Variants in COL23A1 observed in about 807,000 individuals in gnomAD.
COL23A1 encodes collagen type XXIII alpha 1 chain, also known as collagen alpha-1(XXIII) chain.
Under a neutral mutation model 99.3 loss-of-function variants are expected in COL23A1, and 97 were observed. That is an observed-to-expected ratio of 0.98 (90% CI 0.83 to 1.16). The LOEUF (loss-of-function observed/expected upper bound fraction) is 1.16. Ranked by LOEUF, COL23A1 falls within the 50% of genes most tolerant of loss-of-function variation. The pLI is 0.00. For synonymous variants in COL23A1, 320 were observed against 308.2 expected, an observed-to-expected ratio of 1.04 and a Z score of -0.40; for missense variants, 762 against 757.4, an observed-to-expected ratio of 1.01 and a Z score of -0.07.
intron 2 of COL23A1, among the ~76,000 whole-genome samples, chr5:178,413,828 TA>T (rs1765168750): frequency 6.6e-6 from 1 of 152,176 alleles, no homozygotes; most frequent in Admixed American, 6.5e-5. Context: ...GGAAGTGCGG[TA>T]TTGTTGTAAA....
chr5:178,248,263 C>T lies in COL23A1; in HGVS notation c.1150-9G>A, dbSNP rs111363480. On this transcript the variant is annotated splice_polypyrimidine_tract_variant and intron_variant, in intron 19 of 28. Coordinates refer to ENST00000390654, the MANE Select transcript of COL23A1 (RefSeq NM_173465.4). ...TTGAGGCCGTCAGCGCCCTGCAGGA[C>T]GGCAATGGCCTGTGAGTCCTTTGTG... is the stretch of plus-strand genomic sequence containing the variant. 3,007 of 1,609,592 alleles carry T rather than the reference C, an allele frequency of 1.9e-3. 44 individuals are homozygous for T. The African/African-American group carries it at 0.031, about 16-fold the overall frequency.
At chr5:178,420,435 G>GCCCCTT (rs1328204554) in intron 2 of COL23A1, among the ~76,000 whole-genome samples, 3 of 66,820 alleles carry the variant, frequency 4.5e-5, no homozygotes, top group Non-Finnish European at 8.5e-5. Flanking sequence ...CCCCTCCCCC[G>GCCCCTT]CTCTTTCCTC....
chr5:178,536,514 G>A (rs1026221572), intron 2 of COL23A1, among the ~76,000 whole-genome samples: 1 of 152,196 alleles, frequency 6.6e-6, no homozygotes, highest in African/African-American at 2.4e-5. Flanking sequence ...ACCAATCACC[G>A]GATGCATCAT....
At chr5:178,523,972 A>T (rs1184774774) in intron 2 of COL23A1, among the ~76,000 whole-genome samples, 1 of 152,216 alleles carries the variant, frequency 6.6e-6, no homozygotes, top group Admixed American at 6.5e-5. Context: ...ATGATCTCTG[A>T]CAAGGACTTC....
intron 2 of COL23A1, among the ~76,000 whole-genome samples, chr5:178,341,979 C>T (rs527589800): frequency 2.0e-5 from 3 of 152,146 alleles, no homozygotes; most frequent in African/African-American, 4.8e-5. Flanking sequence ...TACCATTTTT[C>T]GTAACACACC....
intron 12 of COL23A1, 121 bp downstream of exon 12, chr5:178,259,600 T>C (rs1395478622): frequency 3.0e-6 from 3 of 994,860 alleles, no homozygotes; most frequent in East Asian, 5.4e-5. Context: ...CCGCCTTCCC[T>C]GTGGGTTGGC....
At chr5:178,446,270 A>G (rs1767154858) in intron 2 of COL23A1, among the ~76,000 whole-genome samples, 1 of 152,072 alleles carries the variant, frequency 6.6e-6, no homozygotes, top group Non-Finnish European at 1.5e-5. Context: ...AAAATATTTA[A>G]TATCCTAAAA....
chr5:178,552,792 C>T (rs1488315774), intron 2 of COL23A1, among the ~76,000 whole-genome samples: 1 of 151,814 alleles, frequency 6.6e-6, no homozygotes, highest in African/African-American at 2.4e-5. Flanking sequence ...TGGCTCACTG[C>T]AACCTCTACC....
At chr5:178,288,241 A>G in intron 5 of COL23A1, 83 bp downstream of exon 5, 1 of 1,164,250 alleles carries the variant, frequency 8.6e-7, no homozygotes, top group Non-Finnish European at 1.3e-6. Flanking sequence ...AGGAGCGCAG[A>G]CAGAGTTAAA....
In COL23A1 at chr5:178,415,598, C is replaced by T. The variant is rs1344838307; in HGVS notation, c.362-108679G>A. Among the ~76,000 whole-genome samples, 2 of 152,154 alleles carry T rather than the reference C, an allele frequency of 1.3e-5. No individual in the cohort carries two copies. Among genetic ancestry groups the T allele is most frequent in the Non-Finnish European group, 2.9e-5 (2 of 68,034 alleles). ...ACTTCCAATGTGCTGACTGCTGGCA[C>T]CAGAGGACAGTGCTGCCCCCATCCC... On this transcript the variant is annotated intron_variant, in intron 2 of 28. Coordinates refer to ENST00000390654, the MANE Select transcript of COL23A1 (RefSeq NM_173465.4). This position sits in a 1 kb window ranked among gnomAD's most constrained non-coding sequence, Gnocchi z 4.6.
intron 2 of COL23A1, among the ~76,000 whole-genome samples, chr5:178,466,638 C>A (rs111473352): frequency 7.4e-4 from 113 of 152,396 alleles, no homozygotes; most frequent in African/African-American, 2.6e-3. Context: ...TGTGTCCCTG[C>A]TGCTGCGGGG....
At chr5:178,474,548 C>T (rs1333237273) in intron 2 of COL23A1, among the ~76,000 whole-genome samples, 1 of 152,022 alleles carries the variant, frequency 6.6e-6, no homozygotes, top group African/African-American at 2.4e-5. Context: ...TGTATTGAAA[C>T]AAATCAGTGA....
intron 1 of COL23A1, among the ~76,000 whole-genome samples, chr5:178,586,058 G>A (rs1487540927): frequency 6.6e-6 from 1 of 152,158 alleles, no homozygotes; most frequent in African/African-American, 2.4e-5. Flanking sequence ...TGAAGACATA[G>A]GTTCACAGCT....
At chr5:178,441,066 C>A (rs1461648146) in intron 2 of COL23A1, among the ~76,000 whole-genome samples, 1 of 152,214 alleles carries the variant, frequency 6.6e-6, no homozygotes, top group African/African-American at 2.4e-5. Context: ...TGCTCTGTTT[C>A]TCTCTGTATC....
intron 2 of COL23A1, among the ~76,000 whole-genome samples, chr5:178,494,983 C>A (rs1002585220): frequency 6.6e-6 from 1 of 152,178 alleles, no homozygotes; most frequent in Non-Finnish European, 1.5e-5. Flanking sequence ...GAGTTTTCAG[C>A]CCCAATAATG....
intron 9 of COL23A1, among the ~76,000 whole-genome samples, chr5:178,262,758 C>G (rs1765704762): frequency 6.6e-6 from 1 of 152,008 alleles, no homozygotes; most frequent in Non-Finnish European, 1.5e-5. Flanking sequence ...AGGGTTGAGT[C>G]AGGATTGGGA....
chr5:178,505,600 T>C (rs1424768416), intron 2 of COL23A1, among the ~76,000 whole-genome samples: 1 of 152,154 alleles, frequency 6.6e-6, no homozygotes, highest in Non-Finnish European at 1.5e-5. Context: ...TTAGGGCACG[T>C]GTTAATCACC....
rs775696669 is a variant in COL23A1 at position 178,544,391 on chromosome 5, G to T, written c.361+16291C>A. On this transcript the variant is annotated intron_variant, in intron 2 of 28. Coordinates refer to ENST00000390654, the MANE Select transcript of COL23A1 (RefSeq NM_173465.4). The surrounding 1 kb of genome is among the most constrained non-coding windows in gnomAD (Gnocchi z 4.4). ...GGGAGGACGCAGGCGCAGGGCCGGG[G>T]AGCTGGGAGGCACCACTTTGCCCTC... Among the ~76,000 whole-genome samples the T allele has an allele frequency of 1.3e-5, 2 of 152,224 alleles. No individual in the cohort carries two copies. Among genetic ancestry groups the T allele is most frequent in the Non-Finnish European group, 2.9e-5 (2 of 68,044 alleles).
At chr5:178,572,198 C>G (rs1331237672) in intron 1 of COL23A1, among the ~76,000 whole-genome samples, 1 of 150,706 alleles carries the variant, frequency 6.6e-6, no homozygotes, top group African/African-American at 2.5e-5. Flanking sequence ...AACTAGAAGA[C>G]AGCAATGGAA....
Sources: allele counts gnomAD v4.1 joint callset (sites outside exome capture counted in the v4.1 genomes callset), GRCh38; gene constraint gnomAD v4.1.1; non-coding constraint Gnocchi (gnomAD v3.1); transcripts MANE v1.5; gene names NCBI Gene and HGNC (gene_info 2026-07-23, HGNC 2026-07-21).